The following ZDHHC7 variants were observed in gnomAD, a reference collection of about 807,000 sequenced individuals.
ZDHHC7 encodes palmitoyltransferase ZDHHC7.
A neutral mutation model predicts 34.1 loss-of-function variants in ZDHHC7; 12 were observed. The observed-to-expected ratio is 0.35, with a 90% CI of 0.23 to 0.57. The LOEUF is 0.57. ZDHHC7 is among the 20% of genes least tolerant of loss of function. The pLI is 0.84. For synonymous variants in ZDHHC7, 185 were observed against 155.4 expected (o/e 1.19, Z -1.42); for missense variants, 388 against 402.7 (o/e 0.96, Z 0.31).
chr16:85,003,872 G>C (rs1220691931), intron 1 of ZDHHC7, among the ~76,000 whole-genome samples: 1 of 152,068 alleles, frequency 6.6e-6, no homozygotes, highest in African/African-American at 2.4e-5. Flanking sequence ...GGACAACACT[G>C]ACTTCCCTTC....
Position 84,990,972 on chromosome 16 carries a change from CT to C in ZDHHC7, c.-17-338del, listed in dbSNP as rs144804630. Among the ~76,000 whole-genome samples the C allele has an allele frequency of 4.5e-3, 680 of 152,310 alleles. 5 individuals are homozygous for C. The highest frequency in any genetic ancestry group is 0.016 in the African/African-American group (656 of 41,560). On this transcript the variant is annotated intron_variant, in intron 2 of 7. Coordinates refer to ENST00000313732, the MANE Select transcript of ZDHHC7 (RefSeq NM_017740.3). ...CCCGGCAGCGTGGAGAGGAGCTCTG[CT>C]GTATCACTGCTGCGCCTGCTCCCCT...
chr16:85,024,154 A>G, the ZDHHC7 span, among the ~76,000 whole-genome samples: 1 of 148,072 alleles, frequency 6.8e-6, no homozygotes, highest in African/African-American at 2.5e-5. Flanking sequence ...CTGACCTCAG[A>G]TGATCCACCC....
At chr16:84,981,176 G>T (rs1235685014) in intron 4 of ZDHHC7, among the ~76,000 whole-genome samples, 1 of 152,204 alleles carries the variant, frequency 6.6e-6, no homozygotes, top group Non-Finnish European at 1.5e-5. Flanking sequence ...AGCAGAAAAA[G>T]GAGTCAGGAA....
At chr16:85,014,272 A>G (rs1216307977), upstream of ZDHHC7, among the ~76,000 whole-genome samples, 1 of 152,228 alleles carries the variant, frequency 6.6e-6, no homozygotes, top group East Asian at 1.9e-4. Flanking sequence ...AAGTCACTGT[A>G]TGGAGTGTAG....
chr16:84,981,767 G>A (rs765136155), intron 4 of ZDHHC7, 103 bp downstream of exon 4: 29 of 1,585,928 alleles, frequency 1.8e-5, no homozygotes, highest in South Asian at 2.3e-5. Context: ...CCAGATGCTC[G>A]GGGGCCATGT....
At chr16:85,013,674 T>C (rs1222189538), upstream of ZDHHC7, among the ~76,000 whole-genome samples, 28 of 152,038 alleles carry the variant, frequency 1.8e-4, no homozygotes, top group Admixed American at 1.8e-3. Flanking sequence ...TTTTCTCTTA[T>C]TAATTTGTGT....
intron 1 of ZDHHC7, 52 bp from the exon 2 acceptor site, chr16:84,996,059 G>GT (rs1491090539): frequency 6.6e-6 from 1 of 152,014 alleles, no homozygotes; most frequent in Non-Finnish European, 1.5e-5. Context: ...TATGACAGAC[G>GT]TGTGTCATAT....
the ZDHHC7 span, among the ~76,000 whole-genome samples, chr16:85,018,059 G>C: frequency 1.3e-5 from 2 of 152,126 alleles, no homozygotes; most frequent in African/African-American, 4.8e-5. Context: ...TGAGGTCCTA[G>C]GAGAAACCTG....
intron 2 of ZDHHC7, among the ~76,000 whole-genome samples, 172 bp downstream of exon 2, chr16:84,995,750 C>T (rs950685120): frequency 1.3e-5 from 2 of 152,216 alleles, no homozygotes; most frequent in African/African-American, 4.8e-5. Context: ...TCCACAGATA[C>T]ACCCTCCTTT....
Position 84,976,221 on chromosome 16 carries a change from A to T in ZDHHC7, c.*122T>A, listed in dbSNP as rs1014856576. The stretch of plus-strand genomic sequence containing the variant: ...AAATATATAAAACTCTGCTTGCTGC[A>T]AGCAATTGGTTTGTGTAGGTTCCAG... On this transcript the variant is annotated 3_prime_UTR_variant, in exon 8 of 8. Transcript: ENST00000313732. 92 of 1,250,790 alleles carry T rather than the reference A, an allele frequency of 7.4e-5. No homozygotes were observed. The highest frequency in any genetic ancestry group is 9.2e-5 in the Non-Finnish European group (82 of 890,154). 77.5% of individuals were successfully genotyped at this position (1,250,790 alleles called of 1,614,324 possible).
intron 3 of ZDHHC7, among the ~76,000 whole-genome samples, chr16:84,984,028 T>G (rs868094779): frequency 1.3e-5 from 2 of 150,178 alleles, no homozygotes; most frequent in Non-Finnish European, 3.0e-5. Flanking sequence ...TTTTTTTTTT[T>G]CTTTTTGTTG....
intron 7 of ZDHHC7, 144 bp downstream of exon 7, chr16:84,976,951 C>A: frequency 8.0e-7 from 1 of 1,246,082 alleles, no homozygotes; most frequent in South Asian, 1.5e-5. Context: ...AAACAGCAAA[C>A]ACAGGGAGCT....
In ZDHHC7 at chr16:85,007,034, G is replaced by A. The variant is rs192693533; in HGVS notation, c.-104+4252C>T. Reference sequence around the variant, plus strand: ...AGAAGAACACGGTGTTTTCAAAACCGTAAGATGCTGAACCAAAATAAGGCA... The same window carrying A: ...AGAAGAACACGGTGTTTTCAAAACCATAAGATGCTGAACCAAAATAAGGCA... On this transcript the variant is annotated intron_variant, in intron 1 of 7. Coordinates refer to ENST00000313732, the MANE Select transcript of ZDHHC7 (RefSeq NM_017740.3). Among the ~76,000 whole-genome samples, 796 of 117,722 alleles carry A rather than the reference G, an allele frequency of 6.8e-3. 24 individuals carry two copies. The East Asian group carries it at 0.092, about 14-fold the overall frequency. 77.2% of individuals were successfully genotyped at this position (117,722 alleles called of 152,430 possible). A position where few individuals can be genotyped will look rare whatever the true frequency, so the allele number is the denominator to read the frequency against.
At chr16:84,989,101 C>T (rs1490860353) in intron 3 of ZDHHC7, among the ~76,000 whole-genome samples, 2 of 152,190 alleles carry the variant, frequency 1.3e-5, no homozygotes, top group African/African-American at 4.8e-5. Flanking sequence ...TCTCTGAAGG[C>T]ACAAACCCAT....
At position 84,974,655 on chromosome 16, in the gene ZDHHC7, G is replaced by C. The variant is rs2072271138; in HGVS notation, c.*1688C>G. 1 of 152,642 alleles carries C rather than the reference G, an allele frequency of 6.6e-6. No individual in the cohort carries two copies. The highest frequency in any genetic ancestry group is 1.5e-5 in the Non-Finnish European group (1 of 68,040). The allele number at this position is 152,642 out of a possible 1,614,324, so 9.5% of individuals were successfully genotyped here. On this transcript the variant is annotated 3_prime_UTR_variant, in exon 8 of 8. Coordinates refer to ENST00000313732, the MANE Select transcript of ZDHHC7 (RefSeq NM_017740.3). ...GAAGCCCACACGCATGTCCAACCCA[G>C]ACAACAATGTGCAAATGAATATGCA...
rs986145838 is a variant in ZDHHC7, at chr16:84,994,615, C to T, written c.-18+1307G>A. On this transcript the variant is annotated intron_variant, in intron 2 of 7. Coordinates refer to ENST00000313732, the MANE Select transcript of ZDHHC7 (RefSeq NM_017740.3). ...GTCCTGGTAAGACCTCCACGGAGTG[C>T]AGGATGCTGCTGTGGCTCCATGCCT... is the stretch of plus-strand genomic sequence containing the variant. Among the ~76,000 whole-genome samples, 43 of 152,322 alleles carry T rather than the reference C, an allele frequency of 2.8e-4. No individual in the cohort carries two copies. In the Middle Eastern group the frequency reaches 0.01, roughly 36 times the overall value.
At chr16:84,985,146 C>T (rs2072420309) in intron 3 of ZDHHC7, among the ~76,000 whole-genome samples, 1 of 152,242 alleles carries the variant, frequency 6.6e-6, no homozygotes, top group African/African-American at 2.4e-5. Flanking sequence ...TCCTCCCTCC[C>T]ACCCAAACAC....
At chr16:85,013,257 C>A (rs1048498869), upstream of ZDHHC7, among the ~76,000 whole-genome samples, 1 of 152,008 alleles carries the variant, frequency 6.6e-6, no homozygotes, top group Non-Finnish European at 1.5e-5. Flanking sequence ...TATTATTTTA[C>A]TTTGAGATGG....
At chr16:84,991,379 A>G (rs2072507595) in intron 2 of ZDHHC7, among the ~76,000 whole-genome samples, 2 of 151,836 alleles carry the variant, frequency 1.3e-5, no homozygotes, top group African/African-American at 4.8e-5. Context: ...TCCGTCTCCC[A>G]GGTTCAAGTG....
Sources: allele counts gnomAD v4.1 joint callset (sites outside exome capture counted in the v4.1 genomes callset), GRCh38; gene constraint gnomAD v4.1.1; transcripts MANE v1.5; gene names NCBI Gene and HGNC (gene_info 2026-07-23, HGNC 2026-07-21).